The following VDAC1 variants were observed in gnomAD, a reference collection of about 807,000 sequenced individuals.
VDAC1 encodes the protein voltage dependent anion channel 1.
In VDAC1, 10 loss-of-function variants were observed where a neutral mutation model predicts 34.7. The ratio of observed to expected loss-of-function variants is 0.29; its 90% CI spans 0.18 to 0.49. The LOEUF (loss-of-function observed/expected upper bound fraction) is 0.49, where lower values mean the gene tolerates loss of function less well. Ranked by LOEUF, VDAC1 falls within the 20% of genes least tolerant of loss-of-function variation. The pLI is 0.99. For missense variants in VDAC1, 230 were observed against 347.9 expected, an observed-to-expected ratio of 0.66 and a Z score of 2.69; for synonymous variants, 130 against 136.0, an observed-to-expected ratio of 0.96 and a Z score of 0.30.
the VDAC1 span, among the ~76,000 whole-genome samples, chr5:134,108,223 C>G: frequency 1.3e-5 from 2 of 150,970 alleles, no homozygotes; most frequent in African/African-American, 5.0e-5. Context: ...GGAAACCCGT[C>G]CGTCCCCACT....
At chr5:134,026,535 A>AC in the VDAC1 span, among the ~76,000 whole-genome samples, 1 of 151,618 alleles carries the variant, frequency 6.6e-6, no homozygotes, top group African/African-American at 2.4e-5. Flanking sequence ...AAAAAAAAAA[A>AC]AAAACACTAA....
chr5:134,077,975 T>G, the VDAC1 span, among the ~76,000 whole-genome samples: 1 of 152,350 alleles, frequency 6.6e-6, no homozygotes, highest in South Asian at 2.1e-4. Context: ...ACTTTTTCCT[T>G]ATTAAAGCAA....
the VDAC1 span, among the ~76,000 whole-genome samples, chr5:134,103,841 G>A: frequency 6.6e-6 from 1 of 152,226 alleles, no homozygotes; most frequent in Non-Finnish European, 1.5e-5. Context: ...TGGGACTTCT[G>A]TCCCTCCCCA....
At chr5:134,033,991 CA>C in the VDAC1 span, among the ~76,000 whole-genome samples, 14 of 135,844 alleles carry the variant, frequency 1.0e-4, no homozygotes, top group South Asian at 2.3e-4. Flanking sequence ...GACTCCGTCT[CA>C]AAAAAAAAAG....
the VDAC1 span, among the ~76,000 whole-genome samples, chr5:134,056,266 A>T: frequency 1.1e-3 from 148 of 139,902 alleles, no homozygotes; most frequent in African/African-American, 3.8e-3. Flanking sequence ...AAAAAAAAAG[A>T]TCTAGGGGTC....
the VDAC1 span, among the ~76,000 whole-genome samples, chr5:134,091,188 G>C: frequency 6.6e-6 from 1 of 152,210 alleles, no homozygotes; most frequent in East Asian, 1.9e-4. Flanking sequence ...ACAGTCCCTG[G>C]ACAGCACAGA....
At chr5:133,977,591 G>A (rs576462181) in intron 6 of VDAC1, among the ~76,000 whole-genome samples, 2 of 152,278 alleles carry the variant, frequency 1.3e-5, no homozygotes, top group Admixed American at 6.5e-5. Context: ...AAAGGCATAC[G>A]AAGAGCTCAG....
chr5:134,038,617 G>A, the VDAC1 span, among the ~76,000 whole-genome samples: 11 of 152,260 alleles, frequency 7.2e-5, no homozygotes, highest in Admixed American at 2.0e-4. Context: ...ATTGTTTTGT[G>A]AACATGAAAA....
chr5:134,044,499 A>G, the VDAC1 span, among the ~76,000 whole-genome samples: 22 of 152,206 alleles, frequency 1.4e-4, no homozygotes, highest in African/African-American at 5.3e-4. Flanking sequence ...GCTAGCTGGC[A>G]TTTCAGTTCC....
At chr5:133,980,634 TAAAAAA>T (rs55708320) in intron 6 of VDAC1, 89 bp downstream of exon 6, 17 of 586,406 alleles carry the variant, frequency 2.9e-5, no homozygotes, top group Middle Eastern at 5.5e-4. Flanking sequence ...TGGGCTTTCT[TAAAAAA>T]AAAAAAAAAA....
chr5:134,032,110 G>A, the VDAC1 span, among the ~76,000 whole-genome samples: 16 of 74,136 alleles, frequency 2.2e-4, no homozygotes, highest in African/African-American at 8.8e-4. Flanking sequence ...GCCACAGAGC[G>A]AGACTCTGCC....
the VDAC1 span, among the ~76,000 whole-genome samples, chr5:134,096,359 T>C: frequency 6.6e-6 from 1 of 152,226 alleles, no homozygotes; most frequent in Non-Finnish European, 1.5e-5. Flanking sequence ...ATCTAAAAGA[T>C]TGCCTCTGCC....
chr5:133,980,686 C>T, intron 6 of VDAC1, 43 bp downstream of exon 6: 2 of 629,224 alleles, frequency 3.2e-6, no homozygotes, highest in Admixed American at 4.4e-5. Context: ...CACACATGCT[C>T]CAACCCCACC....
intron 1 of VDAC1, among the ~76,000 whole-genome samples, chr5:133,997,821 T>C (rs565975420): frequency 6.6e-6 from 1 of 151,882 alleles, no homozygotes; most frequent in Non-Finnish European, 1.5e-5. Context: ...CCCAGCACTT[T>C]GGGAGGCCGA....
At chr5:134,080,654 T>C in the VDAC1 span, among the ~76,000 whole-genome samples, 1 of 152,188 alleles carries the variant, frequency 6.6e-6, no homozygotes, top group South Asian at 2.1e-4. Context: ...TATTGTGCTC[T>C]TACCACCCAC....
At chr5:134,076,270 TGCCCA>T in the VDAC1 span, among the ~76,000 whole-genome samples, 1 of 152,198 alleles carries the variant, frequency 6.6e-6, no homozygotes, top group African/African-American at 2.4e-5. Flanking sequence ...TGAGCCACCA[TGCCCA>T]GCCCTCTCTC....
At chr5:134,101,863 G>A in the VDAC1 span, among the ~76,000 whole-genome samples, 1 of 152,226 alleles carries the variant, frequency 6.6e-6, no homozygotes, top group Admixed American at 6.5e-5. Flanking sequence ...GGGCTCAGAT[G>A]CAGCCTGACC....
the VDAC1 span, among the ~76,000 whole-genome samples, chr5:134,114,252 G>A: frequency 2.0e-5 from 3 of 152,098 alleles, no homozygotes; most frequent in South Asian, 2.1e-4. Flanking sequence ...CCTGGGGTAC[G>A]AGCACAGCCT....
chr5:134,041,033 A>C, the VDAC1 span, among the ~76,000 whole-genome samples: 2 of 152,192 alleles, frequency 1.3e-5, no homozygotes, highest in Non-Finnish European at 2.9e-5. Flanking sequence ...GACTTTAATG[A>C]AGAAATTTAA....
Sources: allele counts gnomAD v4.1 joint callset (sites outside exome capture counted in the v4.1 genomes callset), GRCh38; gene constraint gnomAD v4.1.1; transcripts MANE v1.5; gene names NCBI Gene and HGNC (gene_info 2026-07-23, HGNC 2026-07-21).